ZNF782: variants seen among roughly 807,000 people sequenced by gnomAD.
The protein encoded by ZNF782 is zinc finger protein 782.
In ZNF782, 12 loss-of-function variants were observed where a neutral mutation model predicts 13.0. The ratio of observed to expected loss-of-function variants is 0.92; its 90% CI spans 0.59 to 1.50. The LOEUF (loss-of-function observed/expected upper bound fraction) is 1.50, where lower values mean the gene tolerates loss of function less well. Ranked by LOEUF, ZNF782 falls within the 40% of genes most tolerant of loss-of-function variation. The pLI, the probability that ZNF782 is intolerant of heterozygous loss-of-function variation, is 0.00. For missense variants in ZNF782, 770 were observed against 822.9 expected, an observed-to-expected ratio of 0.94 and a Z score of 0.79; for synonymous variants, 284 against 283.0, an observed-to-expected ratio of 1.00 and a Z score of -0.04.
Position 96,831,471 on chromosome 9 carries a change from A to G in ZNF782, c.143-4290T>C, listed in dbSNP as rs575185249. On this transcript the variant is annotated intron_variant, in intron 4 of 5. Transcript: ENST00000481138. Reference sequence around the variant, plus strand: ...ACACCTGTAATCCCAGCACTTTGGGAGGCCGAGACGGGCGGATCACGAGGT... The same window carrying G: ...ACACCTGTAATCCCAGCACTTTGGGGGGCCGAGACGGGCGGATCACGAGGT... Among the ~76,000 whole-genome samples, 9 of 152,132 alleles carry G rather than the reference A, an allele frequency of 5.9e-5. No homozygotes were observed. In the East Asian group the frequency reaches 1.7e-3, roughly 29 times the overall value.
At chr9:96,918,189 T>C in the ZNF782 span, among the ~76,000 whole-genome samples, 727 of 150,952 alleles carry the variant, frequency 4.8e-3, 6 homozygotes, top group African/African-American at 0.017. Flanking sequence ...ATAACTTGAG[T>C]CAGGAGTTCA....
upstream of ZNF782, among the ~76,000 whole-genome samples, chr9:96,878,776 A>T (rs920389046): frequency 4.6e-5 from 7 of 152,210 alleles, no homozygotes; most frequent in African/African-American, 1.7e-4. Flanking sequence ...GATATTTGTG[A>T]GATTATTTCT....
upstream of ZNF782, among the ~76,000 whole-genome samples, chr9:96,876,971 A>AAAAG (rs1851900809): frequency 1.6e-5 from 2 of 128,084 alleles, no homozygotes; most frequent in Non-Finnish European, 1.5e-5. Flanking sequence ...AAAAAAAAAA[A>AAAAG]AAGAAGAAGA....
In ZNF782 at chr9:96,828,057, G is replaced by A. The variant is rs536716858; in HGVS notation, c.143-876C>T. 4.6e-5 allele frequency among the ~76,000 whole-genome samples: 7 copies of A among 152,332 alleles called. No homozygotes were observed. The South Asian group carries it at 1.5e-3, about 32-fold the overall frequency. ...AGAAAGAGCTATACTGATATAAAATGTTGGAGATCTGCAGAAGGGTCTCCT... is the reference window on the plus strand; with the variant it reads ...AGAAAGAGCTATACTGATATAAAATATTGGAGATCTGCAGAAGGGTCTCCT... On this transcript the variant is annotated intron_variant, in intron 4 of 5. Transcript: ENST00000481138.
chr9:96,842,815 C>A (rs1214854621), intron 4 of ZNF782, among the ~76,000 whole-genome samples: 1 of 152,000 alleles, frequency 6.6e-6, no homozygotes. Context: ...CAAAGAAACT[C>A]ATATCTAGAC....
intron 1 of ZNF782, chr9:96,875,461 C>A (rs746857714): frequency 1.8e-5 from 8 of 456,564 alleles, no homozygotes; most frequent in Non-Finnish European, 2.6e-5. Flanking sequence ...CCTCGCCCCC[C>A]GCTTACAGGT....
intron 1 of ZNF782, among the ~76,000 whole-genome samples, chr9:96,873,312 C>T (rs143124611): frequency 1.4e-4 from 22 of 152,266 alleles, no homozygotes; most frequent in Non-Finnish European, 2.6e-4. Flanking sequence ...ATGTAATATG[C>T]AATAACTAAG....
chr9:96,877,509 C>G (rs1030081100), upstream of ZNF782, among the ~76,000 whole-genome samples: 4 of 152,260 alleles, frequency 2.6e-5, no homozygotes, highest in Non-Finnish European at 4.4e-5. Context: ...AGCGCCCTGC[C>G]GCGCCGCTTC....
chr9:96,869,094 A>G (rs1851794481), intron 1 of ZNF782, among the ~76,000 whole-genome samples: 1 of 152,148 alleles, frequency 6.6e-6, no homozygotes, highest in South Asian at 2.1e-4. Flanking sequence ...GTGGGCTTTC[A>G]GTCAAACACC....
intron 2 of ZNF782, among the ~76,000 whole-genome samples, chr9:96,861,019 G>A (rs536768238): frequency 6.6e-6 from 1 of 152,296 alleles, no homozygotes; most frequent in South Asian, 2.1e-4. Flanking sequence ...GGCTGAGAGA[G>A]GAGGATTGCT....
rs115195220 is a variant in ZNF782 at position 96,841,839 on chromosome 9, A to G, written c.142+3051T>C. On this transcript the variant is annotated intron_variant, in intron 4 of 5. Transcript: ENST00000481138. Reference sequence around the variant, plus strand: ...TCTTACCACTCTTATTCTACACAGTACTAGAAGTCCTATCCAGTGTAATAC... The same window carrying G: ...TCTTACCACTCTTATTCTACACAGTGCTAGAAGTCCTATCCAGTGTAATAC... Among the ~76,000 whole-genome samples, 724 of 152,062 alleles carry G rather than the reference A, an allele frequency of 4.8e-3. 5 individuals carry two copies. Among genetic ancestry groups the G allele is most frequent in the African/African-American group, 0.016 (681 of 41,556 alleles).
intron 4 of ZNF782, among the ~76,000 whole-genome samples, chr9:96,838,563 CT>C (rs1351488221): frequency 6.6e-6 from 1 of 152,070 alleles, no homozygotes; most frequent in Non-Finnish European, 1.5e-5. Context: ...GCATAAATGT[CT>C]AGGGCTGTTA....
At chr9:96,848,828 A>G (rs1018665710) in intron 3 of ZNF782, among the ~76,000 whole-genome samples, 1 of 152,250 alleles carries the variant, frequency 6.6e-6, no homozygotes, top group African/African-American at 2.4e-5. Flanking sequence ...AAACAATCCT[A>G]AAATTCATAC....
chr9:96,827,247 G>GCTGTACCTTCTTCACATTC, intron 4 of ZNF782, 66 bp from the exon 5 acceptor site: 1 of 1,209,116 alleles, frequency 8.3e-7, no homozygotes, highest in Non-Finnish European at 1.2e-6. Context: ...TGAATGTGAA[G>GCTGTACCTTCTTCACATTC]AAGGTACAGC....
At chr9:96,838,293 G>A (rs1851066045) in intron 4 of ZNF782, among the ~76,000 whole-genome samples, 1 of 152,118 alleles carries the variant, frequency 6.6e-6, no homozygotes, top group Admixed American at 6.6e-5. Flanking sequence ...GGCCTAGAAT[G>A]TCTCTTTGGA....
the ZNF782 span, among the ~76,000 whole-genome samples, chr9:96,926,798 A>G: frequency 6.6e-6 from 1 of 152,164 alleles, no homozygotes; most frequent in African/African-American, 2.4e-5. Flanking sequence ...CTTGAGTCCA[A>G]ATGTCTTCGA....
rs771088755 is a variant in ZNF782 at position 96,819,169 on chromosome 9, T to C, written c.854A>G (p.His285Arg). 1 of 1,613,252 alleles carries C rather than the reference T, an allele frequency of 6.2e-7. No homozygotes were observed. Among genetic ancestry groups the C allele is most frequent in the Non-Finnish European group, 8.5e-7 (1 of 1,179,590 alleles). The change falls in exon 6 of 6, where the codon CAC (histidine) becomes CGC (arginine). Residue 285 changes from histidine (H) to arginine (R), a missense_variant. Coordinates refer to ENST00000481138, the MANE Select transcript of ZNF782 (RefSeq NM_001001662.3). ...GGATTTCCCTCCTGTGAGAGTTTTG[T>C]GAGTGATTCTACAGAAACAATTTCC... ...DTGNCFCRIT[H>R]KTLTGGKSFS...
intron 1 of ZNF782, among the ~76,000 whole-genome samples, chr9:96,864,059 G>A (rs1851732615): frequency 6.7e-6 from 1 of 150,266 alleles, no homozygotes; most frequent in African/African-American, 2.4e-5. Context: ...ATATGCATAT[G>A]TACATATACA....
intron 5 of ZNF782, among the ~76,000 whole-genome samples, chr9:96,821,567 A>C (rs1850418172): frequency 1.3e-5 from 2 of 152,238 alleles, no homozygotes; most frequent in Admixed American, 1.3e-4. Context: ...TTTTTAAGAA[A>C]AAATTATCAT....
Sources: gnomAD v4.1 joint callset for allele counts (sites outside exome capture counted in the v4.1 genomes callset) on GRCh38, gnomAD v4.1.1 for gene constraint, MANE v1.5 for transcripts, NCBI Gene and HGNC (gene_info 2026-07-23, HGNC 2026-07-21) for gene names.